Variants in ERC1 observed in about 807,000 individuals in gnomAD.
The protein encoded by ERC1 is RAB6 interacting protein 2.
A neutral mutation model predicts 132.0 loss-of-function variants in ERC1; 56 were observed. The ratio of observed to expected loss-of-function variants is 0.42; its 90% CI spans 0.34 to 0.53. The LOEUF is 0.53. Among genes scored for constraint, ERC1 ranks in the 20% least tolerant of loss-of-function variants. ERC1 has a pLI of 0.03. For synonymous variants in ERC1, 478 were observed against 476.1 expected, an observed-to-expected ratio of 1.00 and a Z score of -0.05; for missense variants, 1,202 against 1,349.9, an observed-to-expected ratio of 0.89 and a Z score of 1.72.
intron 2 of ERC1, among the ~76,000 whole-genome samples, chr12:1,042,878 G>A (rs1970484670): frequency 6.6e-6 from 1 of 152,008 alleles, no homozygotes; most frequent in Non-Finnish European, 1.5e-5. Context: ...CTGGGCATAG[G>A]AACTTAAAGT....
chr12:1,168,545 C>T (rs922010210), intron 8 of ERC1, among the ~76,000 whole-genome samples: 5 of 134,612 alleles, frequency 3.7e-5, no homozygotes, highest in African/African-American at 5.8e-5. Flanking sequence ...AGTGCAATGG[C>T]GCAATCTTAG....
chr12:1,239,551 C>G (rs1358463429), intron 13 of ERC1, among the ~76,000 whole-genome samples: 1 of 152,062 alleles, frequency 6.6e-6, no homozygotes, highest in Non-Finnish European at 1.5e-5. Context: ...GACCCTGCCT[C>G]TAAAAAAATT....
At chr12:1,017,591 C>T (rs553498698) in intron 1 of ERC1, among the ~76,000 whole-genome samples, 26 of 150,474 alleles carry the variant, frequency 1.7e-4, no homozygotes, top group East Asian at 5.9e-4. Flanking sequence ...CTCCACCTCC[C>T]GGGTTCAAGC....
chr12:1,389,179 C>A (rs1377065028), intron 16 of ERC1, among the ~76,000 whole-genome samples: 1 of 152,026 alleles, frequency 6.6e-6, no homozygotes, highest in Non-Finnish European at 1.5e-5. Flanking sequence ...AGAAGAAAGG[C>A]CATATATGGA....
At chr12:1,351,632 G>T (rs927036634) in intron 15 of ERC1, among the ~76,000 whole-genome samples, 1 of 152,004 alleles carries the variant, frequency 6.6e-6, no homozygotes, top group Non-Finnish European at 1.5e-5. Flanking sequence ...GGTCTCTGGT[G>T]CATTTTCTTC....
intron 3 of ERC1, among the ~76,000 whole-genome samples, chr12:1,099,575 A>G (rs1565962691): frequency 6.6e-6 from 1 of 152,182 alleles, no homozygotes; most frequent in African/African-American, 2.4e-5. Context: ...TTACATATGA[A>G]TTATACAGTT....
intron 18 of ERC1, among the ~76,000 whole-genome samples, chr12:1,453,971 G>A (rs921314896): frequency 1.3e-5 from 2 of 151,904 alleles, no homozygotes; most frequent in African/African-American, 4.8e-5. Flanking sequence ...ATAGATGACT[G>A]GTGGCTGGGA....
chr12:1,435,115 A>G (rs1484624323), intron 17 of ERC1, among the ~76,000 whole-genome samples: 2 of 152,210 alleles, frequency 1.3e-5, no homozygotes, highest in African/African-American at 4.8e-5. Context: ...TTGTTAATCC[A>G]TGGGATCTAT....
At chr12:1,084,176 T>A (rs1942636145) in intron 3 of ERC1, among the ~76,000 whole-genome samples, 2 of 152,232 alleles carry the variant, frequency 1.3e-5, no homozygotes, top group African/African-American at 4.8e-5. Context: ...ACTGATAATT[T>A]TTTACTTTTC....
intron 18 of ERC1, among the ~76,000 whole-genome samples, chr12:1,479,813 T>A (rs1340820259): frequency 6.6e-6 from 1 of 151,908 alleles, no homozygotes; most frequent in Non-Finnish European, 1.5e-5. Context: ...CCAGGTGGGG[T>A]CACTCTGAGG....
rs138027895 is a variant in ERC1, at chr12:1,151,253, C to A, written c.1737+9466C>A. On this transcript the variant is annotated intron_variant, in intron 8 of 18. Transcript: ENST00000360905. The stretch of plus-strand genomic sequence containing the variant: ...GTGGACCCAAAACCTATAAATACTT[C>A]AGTGGGGGAGATCAGGGATTTTACC... Among the ~76,000 whole-genome samples, 389 of 152,264 alleles carry A rather than the reference C, an allele frequency of 2.6e-3. 1 individual carries two copies. Among genetic ancestry groups the A allele is most frequent in the African/African-American group, 8.2e-3 (339 of 41,538 alleles).
chr12:1,350,768 T>C (rs1388408441), intron 15 of ERC1, among the ~76,000 whole-genome samples: 2 of 152,234 alleles, frequency 1.3e-5, no homozygotes, highest in African/African-American at 4.8e-5. Flanking sequence ...AAGGTTTATT[T>C]AGCTCATGGT....
chr12:998,942 C>T (rs951913865), intron 1 of ERC1, among the ~76,000 whole-genome samples: 8 of 151,164 alleles, frequency 5.3e-5, no homozygotes, highest in African/African-American at 1.9e-4. Context: ...TCACTGCAAC[C>T]TCCGCCTCCT....
intron 15 of ERC1, among the ~76,000 whole-genome samples, chr12:1,332,981 G>A (rs34554835): frequency 0.09 from 13,640 of 151,616 alleles, 875 homozygotes; most frequent in African/African-American, 0.17. Context: ...TTCCTCGCCC[G>A]GGTATTAAGC....
intron 12 of ERC1, among the ~76,000 whole-genome samples, chr12:1,218,185 A>C (rs993754546): frequency 6.6e-6 from 1 of 152,180 alleles, no homozygotes; most frequent in Non-Finnish European, 1.5e-5. Context: ...CTCCTCATCA[A>C]ATCTACCAGC....
chr12:1,461,946 T>TA (rs1447623989), intron 18 of ERC1, among the ~76,000 whole-genome samples: 1 of 151,970 alleles, frequency 6.6e-6, no homozygotes, highest in Non-Finnish European at 1.5e-5. Context: ...CAAAAACACA[T>TA]ACACACATGA....
intron 12 of ERC1, among the ~76,000 whole-genome samples, chr12:1,217,439 T>C (rs1958531870): frequency 6.6e-6 from 1 of 152,222 alleles, no homozygotes; most frequent in African/African-American, 2.4e-5. Flanking sequence ...TATGTGAGAA[T>C]GGGTTCTCTG....
chr12:1,125,996 G>A (rs1449125426), intron 7 of ERC1, among the ~76,000 whole-genome samples: 1 of 152,194 alleles, frequency 6.6e-6, no homozygotes, highest in African/African-American at 2.4e-5. Flanking sequence ...AGGAGAGAAT[G>A]TGGAGTTTAA....
intron 14 of ERC1, among the ~76,000 whole-genome samples, chr12:1,273,760 C>T (rs558466474): frequency 6.6e-6 from 1 of 151,920 alleles, no homozygotes; most frequent in Non-Finnish European, 1.5e-5. Context: ...GATGGTCGGT[C>T]AGTCAGATGG....
Sources: allele counts gnomAD v4.1 joint callset (sites outside exome capture counted in the v4.1 genomes callset), GRCh38; gene constraint gnomAD v4.1.1; transcripts MANE v1.5; gene names NCBI Gene and HGNC (gene_info 2026-07-23, HGNC 2026-07-21).